SLC8A3: variants seen among roughly 807,000 people sequenced by gnomAD.
The protein encoded by SLC8A3 is sodium/calcium exchanger 3.
In SLC8A3, 37 loss-of-function variants were observed where a neutral mutation model predicts 65.4. That is an observed-to-expected ratio of 0.57 (90% CI 0.44 to 0.74). The LOEUF (loss-of-function observed/expected upper bound fraction) is 0.74. SLC8A3 is among the 30% of genes least tolerant of loss of function. The pLI is 0.00. For synonymous variants in SLC8A3, 461 were observed against 444.5 expected, an observed-to-expected ratio of 1.04 and a Z score of -0.47; for missense variants, 1,112 against 1,172.1, an observed-to-expected ratio of 0.95 and a Z score of 0.75.
At chr14:70,165,573 C>T (rs558927059) in intron 2 of SLC8A3, among the ~76,000 whole-genome samples, 14 of 152,312 alleles carry the variant, frequency 9.2e-5, no homozygotes, top group East Asian at 1.9e-4. Context: ...AGGAAGTTCC[C>T]GTTTGTCTTC....
At chr14:70,158,791 C>T (rs1215617444) in intron 2 of SLC8A3, among the ~76,000 whole-genome samples, 3 of 152,194 alleles carry the variant, frequency 2.0e-5, no homozygotes. Flanking sequence ...AAATTCTCCT[C>T]TGCTTATCCA....
intron 1 of SLC8A3, among the ~76,000 whole-genome samples, chr14:70,177,296 A>G (rs904056586): frequency 2.6e-5 from 4 of 152,342 alleles, no homozygotes; most frequent in Non-Finnish European, 5.9e-5. Flanking sequence ...AGGCTGGAGA[A>G]CCATCTGTCA....
intron 2 of SLC8A3, among the ~76,000 whole-genome samples, chr14:70,148,787 A>C (rs891915450): frequency 1.1e-4 from 17 of 152,242 alleles, no homozygotes; most frequent in Non-Finnish European, 1.2e-4. Context: ...GCCAGGGCTG[A>C]TCAGTGACCA....
intron 2 of SLC8A3, among the ~76,000 whole-genome samples, chr14:70,121,707 C>T (rs1000429580): frequency 7.2e-5 from 11 of 152,290 alleles, no homozygotes; most frequent in African/African-American, 1.9e-4. Flanking sequence ...GCCCCTTACT[C>T]GGTTGCCATG....
At chr14:70,082,996 G>C (rs1891166409) in intron 2 of SLC8A3, among the ~76,000 whole-genome samples, 2 of 152,074 alleles carry the variant, frequency 1.3e-5, no homozygotes, top group Admixed American at 1.3e-4. Flanking sequence ...AGGGAAACAG[G>C]GGCAGGAAGG....
chr14:70,072,452 A>G (rs770682229), intron 2 of SLC8A3, among the ~76,000 whole-genome samples: 1 of 151,972 alleles, frequency 6.6e-6, no homozygotes, highest in Non-Finnish European at 1.5e-5. Context: ...TAAGGTTTTC[A>G]TGCCTTGTAG....
chr14:70,122,557 A>C (rs56251207), intron 2 of SLC8A3, among the ~76,000 whole-genome samples: 18,267 of 151,994 alleles, frequency 0.12, 1,256 homozygotes, highest in Non-Finnish European at 0.16. Flanking sequence ...GTAGTAATAA[A>C]CCCTACCTCC....
At position 70,107,934 on chromosome 14, in the gene SLC8A3, T is replaced by C. The variant is rs144906514; in HGVS notation, c.1785-46995A>G. 6.0e-4 allele frequency among the ~76,000 whole-genome samples: 92 copies of C among 152,270 alleles called. 2 individuals carry two copies. Among genetic ancestry groups the C allele is most frequent in the African/African-American group, 2.1e-3 (87 of 41,504 alleles). On this transcript the variant is annotated intron_variant, in intron 2 of 6. Coordinates refer to ENST00000356921, the MANE Select transcript of SLC8A3 (RefSeq NM_182932.3). The stretch of plus-strand genomic sequence containing the variant: ...GGTCTGAAAATTCCTTTCTCTCTGA[T>C]AGATGTTTGGCATCCGTGCATGTGT...
At chr14:70,123,142 G>A (rs1452214897) in intron 2 of SLC8A3, among the ~76,000 whole-genome samples, 1 of 151,532 alleles carries the variant, frequency 6.6e-6, no homozygotes, top group Non-Finnish European at 1.5e-5. Flanking sequence ...CTACTCAGGA[G>A]GCTGAGGCAG....
At chr14:70,095,762 A>T (rs1892134467) in intron 2 of SLC8A3, among the ~76,000 whole-genome samples, 1 of 152,268 alleles carries the variant, frequency 6.6e-6, no homozygotes, top group African/African-American at 2.4e-5. Flanking sequence ...AGAAGCAAGT[A>T]AGAAACCGTT....
chr14:70,141,314 A>C (rs1349922168), intron 2 of SLC8A3, among the ~76,000 whole-genome samples: 1 of 152,252 alleles, frequency 6.6e-6, no homozygotes, highest in Non-Finnish European at 1.5e-5. Flanking sequence ...TATATGGTAG[A>C]CATTATTATA....
intron 2 of SLC8A3, among the ~76,000 whole-genome samples, chr14:70,138,864 C>A (rs1024748569): frequency 2.6e-5 from 4 of 152,286 alleles, no homozygotes; most frequent in Non-Finnish European, 4.4e-5. Context: ...GTCTTAGACA[C>A]CTTGTAGGTT....
chr14:70,060,628 G>T, intron 3 of SLC8A3: 1 of 709,354 alleles, frequency 1.4e-6, no homozygotes, highest in Non-Finnish European at 2.6e-6. Flanking sequence ...GGCTAAGAAG[G>T]CAGAGATGAT....
intron 3 of SLC8A3, among the ~76,000 whole-genome samples, chr14:70,058,313 T>G (rs1888390549): frequency 2.0e-5 from 3 of 152,196 alleles, no homozygotes; most frequent in Admixed American, 1.3e-4. Flanking sequence ...GGTTTCCATT[T>G]GCTTCTGAGT....
intron 2 of SLC8A3, among the ~76,000 whole-genome samples, chr14:70,062,369 CACATCT>C: frequency 6.6e-6 from 1 of 152,194 alleles, no homozygotes; most frequent in South Asian, 2.1e-4. Context: ...AATGACAGAC[CACATCT>C]ACAATAGTGG....
At chr14:70,127,503 G>T (rs1272789133) in intron 2 of SLC8A3, among the ~76,000 whole-genome samples, 1 of 152,178 alleles carries the variant, frequency 6.6e-6, no homozygotes, top group Non-Finnish European at 1.5e-5. Context: ...GTCAGTAGCA[G>T]CTGAAAGCTA....
intron 2 of SLC8A3, among the ~76,000 whole-genome samples, chr14:70,132,380 G>A (rs554707123): frequency 6.6e-6 from 1 of 152,232 alleles, no homozygotes; most frequent in South Asian, 2.1e-4. Context: ...ATATGTTAGT[G>A]CTTTTAAAAA....
At chr14:70,052,169 A>G in intron 3 of SLC8A3, 55 bp from the exon 4 acceptor site, 2 of 1,544,974 alleles carry the variant, frequency 1.3e-6, no homozygotes, top group South Asian at 2.6e-5. Context: ...CCCTGGAAGG[A>G]TACAGCTCAG....
At chr14:70,159,923 C>T (rs983513375) in intron 2 of SLC8A3, among the ~76,000 whole-genome samples, 2 of 152,180 alleles carry the variant, frequency 1.3e-5, no homozygotes, top group Non-Finnish European at 2.9e-5. Context: ...CAACTCTGCA[C>T]CTCTGAGTTT....
Sources: gnomAD v4.1 joint callset for allele counts (sites outside exome capture counted in the v4.1 genomes callset) on GRCh38, gnomAD v4.1.1 for gene constraint, MANE v1.5 for transcripts, NCBI Gene and HGNC (gene_info 2026-07-23, HGNC 2026-07-21) for gene names.